Variants in OTUD7A observed in about 807,000 individuals in gnomAD.
OTUD7A encodes OTU domain-containing protein 7A.
Under a neutral mutation model 65.7 loss-of-function variants are expected in OTUD7A, and 12 were observed. That is an observed-to-expected ratio of 0.18 (90% CI 0.12 to 0.30). The LOEUF is 0.30. Among genes scored for constraint, OTUD7A ranks in the 10% least tolerant of loss-of-function variants. OTUD7A has a pLI of 1.00. For synonymous variants in OTUD7A, 641 were observed against 586.3 expected, an observed-to-expected ratio of 1.09 and a Z score of -1.35; for missense variants, 1,148 against 1,304.8, an observed-to-expected ratio of 0.88 and a Z score of 1.85.
intron 10 of OTUD7A, among the ~76,000 whole-genome samples, chr15:31,493,983 GGGA>G (rs1164450660): frequency 6.6e-6 from 1 of 152,242 alleles, no homozygotes; most frequent in African/African-American, 2.4e-5. Flanking sequence ...AAAGCAGAGA[GGGA>G]GGAGGGAAGT....
At chr15:31,822,438 A>G (rs973216409) in intron 1 of OTUD7A, among the ~76,000 whole-genome samples, 1 of 152,196 alleles carries the variant, frequency 6.6e-6, no homozygotes, top group African/African-American at 2.4e-5. Context: ...AACAAAGAAA[A>G]CAAGAAATTC....
At chr15:31,647,604 C>T (rs1214263771) in intron 3 of OTUD7A, among the ~76,000 whole-genome samples, 1 of 152,118 alleles carries the variant, frequency 6.6e-6, no homozygotes, top group African/African-American at 2.4e-5. Flanking sequence ...AAACTGTACA[C>T]ACTCATACCT....
At chr15:31,764,226 A>G (rs1665576577) in intron 1 of OTUD7A, among the ~76,000 whole-genome samples, 2 of 152,196 alleles carry the variant, frequency 1.3e-5, no homozygotes, top group Non-Finnish European at 2.9e-5. Context: ...AAGTTTTAGT[A>G]TACAAATGCC....
chr15:31,485,890 A>G (rs994008560), intron 12 of OTUD7A, among the ~76,000 whole-genome samples: 1 of 152,028 alleles, frequency 6.6e-6, no homozygotes, highest in Non-Finnish European at 1.5e-5. Context: ...GGCAGAACTG[A>G]CCCTCACCAC....
intron 3 of OTUD7A, among the ~76,000 whole-genome samples, chr15:31,622,188 C>A (rs1380915837): frequency 1.3e-5 from 2 of 152,124 alleles, no homozygotes; most frequent in Non-Finnish European, 2.9e-5. Flanking sequence ...TTTCTGGTTG[C>A]CCTTAACATT....
intron 3 of OTUD7A, among the ~76,000 whole-genome samples, chr15:31,598,217 G>A (rs1442726259): frequency 6.6e-6 from 1 of 152,188 alleles, no homozygotes; most frequent in African/African-American, 2.4e-5. Flanking sequence ...ATGGCAAGAT[G>A]GTTGAATAAG....
intron 1 of OTUD7A, among the ~76,000 whole-genome samples, chr15:31,852,860 A>ATTC (rs1312954784): frequency 6.6e-6 from 1 of 152,266 alleles, no homozygotes; most frequent in Non-Finnish European, 1.5e-5. Flanking sequence ...AAGCAGTAAG[A>ATTC]ATTCATTCAA....
intron 8 of OTUD7A, among the ~76,000 whole-genome samples, chr15:31,515,331 C>A (rs2041827725): frequency 6.6e-6 from 1 of 152,006 alleles, no homozygotes; most frequent in Non-Finnish European, 1.5e-5. Context: ...GGGATCTGAG[C>A]AGCTACACAG....
At chr15:31,699,828 T>C (rs1323568484) in intron 1 of OTUD7A, among the ~76,000 whole-genome samples, 1 of 152,048 alleles carries the variant, frequency 6.6e-6, no homozygotes, top group Non-Finnish European at 1.5e-5. Context: ...CTGGGCCCTG[T>C]GAGTCTTCTT....
At chr15:31,591,666 A>C (rs1177613193) in intron 3 of OTUD7A, among the ~76,000 whole-genome samples, 5 of 152,156 alleles carry the variant, frequency 3.3e-5, no homozygotes, top group African/African-American at 1.2e-4. Flanking sequence ...TCCTTATAAT[A>C]GGTCTGTCTC....
At chr15:31,854,216 C>T (rs1897503558) in intron 1 of OTUD7A, among the ~76,000 whole-genome samples, 1 of 152,014 alleles carries the variant, frequency 6.6e-6, no homozygotes, top group Non-Finnish European at 1.5e-5. Context: ...GCTTATGGAC[C>T]CCTTCCAGGA....
chr15:31,761,985 ACAGAGG>A (rs774542244), intron 1 of OTUD7A, among the ~76,000 whole-genome samples: 7 of 152,208 alleles, frequency 4.6e-5, no homozygotes, highest in Non-Finnish European at 4.4e-5. Context: ...ATGGTTGCCT[ACAGAGG>A]GGGGCATGTG....
chr15:31,628,969 T>C (rs1248404773), intron 3 of OTUD7A, among the ~76,000 whole-genome samples: 2 of 152,248 alleles, frequency 1.3e-5, no homozygotes, highest in Non-Finnish European at 1.5e-5. Context: ...TTGAAGTTGC[T>C]TATCAGCTTA....
intron 1 of OTUD7A, among the ~76,000 whole-genome samples, chr15:31,702,528 A>C (rs1456886151): frequency 6.6e-6 from 1 of 151,414 alleles, no homozygotes; most frequent in Non-Finnish European, 1.5e-5. Flanking sequence ...CAATAAAAAT[A>C]GTTATAAATC....
intron 3 of OTUD7A, among the ~76,000 whole-genome samples, chr15:31,604,995 C>T (rs889673194): frequency 2.6e-5 from 4 of 152,200 alleles, no homozygotes; most frequent in East Asian, 1.9e-4. Context: ...AGGCACAGGG[C>T]GGAACAAAGG....
At chr15:31,602,546 A>C (rs1452467390) in intron 3 of OTUD7A, among the ~76,000 whole-genome samples, 2 of 152,210 alleles carry the variant, frequency 1.3e-5, no homozygotes, top group Non-Finnish European at 2.9e-5. Flanking sequence ...AACCAGCACA[A>C]GACAAGGATG....
chr15:31,635,933 G>C (rs1295182809), intron 3 of OTUD7A, among the ~76,000 whole-genome samples: 4 of 152,258 alleles, frequency 2.6e-5, no homozygotes, highest in African/African-American at 9.6e-5. Flanking sequence ...CATGAAAACA[G>C]GGGGCGTGGC....
At chr15:31,643,263 G>C (rs1891570214) in intron 3 of OTUD7A, among the ~76,000 whole-genome samples, 1 of 152,200 alleles carries the variant, frequency 6.6e-6, no homozygotes. Flanking sequence ...GGGATTGCGG[G>C]CATGCACCAC....
chr15:31,581,898 T>G (rs980885437), intron 3 of OTUD7A, among the ~76,000 whole-genome samples: 1 of 152,170 alleles, frequency 6.6e-6, no homozygotes, highest in South Asian at 2.1e-4. Context: ...AGATAATGGG[T>G]TTTTCTTTTC....
Sources: allele counts gnomAD v4.1 joint callset (sites outside exome capture counted in the v4.1 genomes callset), GRCh38; gene constraint gnomAD v4.1.1; transcripts MANE v1.5; gene names NCBI Gene and HGNC (gene_info 2026-07-23, HGNC 2026-07-21).